EDA: variants seen among roughly 807,000 people sequenced by gnomAD.
The protein encoded by EDA is ectodysplasin-A.
EDA carries 2 observed loss-of-function variants against 23.6 expected under a neutral mutation model. The observed-to-expected ratio is 0.08, with a 90% CI of 0.03 to 0.27. EDA has a LOEUF of 0.27. Ranked by LOEUF, EDA falls within the 10% of genes least tolerant of loss-of-function variation. The probability of loss-of-function intolerance (pLI) is 1.00; values close to 1 mark genes in which losing one functional copy is unlikely to be tolerated. For missense variants in EDA, 229 were observed against 324.2 expected, an observed-to-expected ratio of 0.71 and a Z score of 2.26; for synonymous variants, 131 against 132.0, an observed-to-expected ratio of 0.99 and a Z score of 0.05.
chrX:69,648,932 T>A (rs1581879), intron 1 of EDA, among the ~76,000 whole-genome samples: 1 of 110,253 alleles, frequency 9.1e-6, no homozygotes, highest in African/African-American at 3.3e-5. Context: ...TGCATAGATC[T>A]GTGGGAGAAA....
At chrX:69,796,277 T>C (rs2015541670) in intron 1 of EDA, among the ~76,000 whole-genome samples, 1 of 95,836 alleles carries the variant, frequency 1.0e-5, no homozygotes, top group Non-Finnish European at 2.1e-5. Flanking sequence ...GACCCAAGAA[T>C]TGGCCTACTA....
intron 1 of EDA, among the ~76,000 whole-genome samples, chrX:69,859,072 G>A (rs1210040962): frequency 1.8e-5 from 2 of 111,479 alleles, no homozygotes; most frequent in Non-Finnish European, 3.8e-5. Context: ...GGGGTCAGTG[G>A]TAATATTCCC....
At chrX:69,865,270 G>T (rs1051731409) in intron 1 of EDA, among the ~76,000 whole-genome samples, 10 of 109,603 alleles carry the variant, frequency 9.1e-5, no homozygotes, top group African/African-American at 3.3e-4. Flanking sequence ...AACTAATAGG[G>T]TATATATATA....
At chrX:69,798,030 T>C (rs1417493904) in intron 1 of EDA, among the ~76,000 whole-genome samples, 2 of 111,644 alleles carry the variant, frequency 1.8e-5, no homozygotes, top group East Asian at 2.8e-4. Flanking sequence ...GCTATACTTA[T>C]AGCAAATAAA....
intron 1 of EDA, among the ~76,000 whole-genome samples, chrX:69,851,550 T>C (rs1022384609): frequency 5.3e-5 from 6 of 112,446 alleles, no homozygotes; most frequent in Admixed American, 4.7e-4. Flanking sequence ...AAAACCACTG[T>C]GCCTTGTGCA....
chrX:69,993,852 G>A (rs1433574081), intron 2 of EDA, among the ~76,000 whole-genome samples: 1 of 110,755 alleles, frequency 9.0e-6, no homozygotes, highest in Non-Finnish European at 1.9e-5. Context: ...TCAACTTGAG[G>A]TACAAATTTG....
chrX:69,956,536 G>A lies in EDA; in HGVS notation c.397-491G>A, dbSNP rs954651055. 2.7e-5 allele frequency among the ~76,000 whole-genome samples: 3 copies of A among 109,429 alleles called. No individual in the cohort carries two copies. In the Admixed American group the frequency reaches 3.0e-4, roughly 11 times the overall value. ...ATTTTGTATTTTTAGTAGAGATGGGGTTTCACCATGTTGGTCAGGCTGGTT... is the reference window on the plus strand; with the variant it reads ...ATTTTGTATTTTTAGTAGAGATGGGATTTCACCATGTTGGTCAGGCTGGTT... On this transcript the variant is annotated intron_variant, in intron 1 of 7. Transcript: ENST00000374552.
chrX:69,864,113 T>A (rs151172340), intron 1 of EDA, among the ~76,000 whole-genome samples: 1,491 of 111,552 alleles, frequency 0.013, 19 homozygotes, highest in African/African-American at 0.044. Flanking sequence ...AGAAGTATAA[T>A]TTACATACAG....
At chrX:69,796,892 A>G (rs543531064) in intron 1 of EDA, among the ~76,000 whole-genome samples, 1 of 110,817 alleles carries the variant, frequency 9.0e-6, no homozygotes, top group African/African-American at 3.3e-5. Context: ...AAAGAACCAA[A>G]CAAATTCTGG....
chrX:69,651,232 ATAGAAACAAT>A (rs745752182), intron 1 of EDA, among the ~76,000 whole-genome samples: 9 of 111,814 alleles, frequency 8.0e-5, no homozygotes, highest in Non-Finnish European at 1.1e-4. Context: ...TTAAGATTTT[ATAGAAACAAT>A]TAGTGCAGAT....
intron 1 of EDA, among the ~76,000 whole-genome samples, chrX:69,935,825 T>C (rs1217709318): frequency 9.1e-6 from 1 of 109,572 alleles, no homozygotes; most frequent in Non-Finnish European, 1.9e-5. Flanking sequence ...GTAAAATAGA[T>C]TGCAAAGATA....
At chrX:69,815,230 G>T (rs978820984) in intron 1 of EDA, among the ~76,000 whole-genome samples, 2 of 112,361 alleles carry the variant, frequency 1.8e-5, no homozygotes, top group Admixed American at 9.4e-5. Context: ...CGGCTTTGGA[G>T]AGTCCAGATG....
At chrX:69,940,144 A>G (rs934650140) in intron 1 of EDA, among the ~76,000 whole-genome samples, 1 of 111,520 alleles carries the variant, frequency 9.0e-6, no homozygotes, top group Non-Finnish European at 1.9e-5. Flanking sequence ...ATTTTTTGGA[A>G]TACTTTGAGT....
chrX:69,864,834 T>A (rs776221698), intron 1 of EDA, among the ~76,000 whole-genome samples: 5 of 110,045 alleles, frequency 4.5e-5, no homozygotes, highest in African/African-American at 1.7e-4. Flanking sequence ...CTACTAAAAT[T>A]ACAAAAATTA....
intron 1 of EDA, among the ~76,000 whole-genome samples, chrX:69,925,544 T>C (rs1369751228): frequency 4.5e-5 from 5 of 111,711 alleles, no homozygotes; most frequent in Admixed American, 9.5e-5. Context: ...GCTGCTGGAT[T>C]CAGTTTGCCA....
intron 1 of EDA, among the ~76,000 whole-genome samples, chrX:69,753,642 C>G (rs2013983613): frequency 9.0e-6 from 1 of 111,214 alleles, no homozygotes; most frequent in Non-Finnish European, 1.9e-5. Flanking sequence ...TGTTAACTTT[C>G]TGTCTCGATC....
intron 1 of EDA, among the ~76,000 whole-genome samples, chrX:69,651,989 C>A (rs1933121614): frequency 1.8e-5 from 2 of 110,545 alleles, no homozygotes; most frequent in Non-Finnish European, 3.8e-5. Context: ...GGGGCAAGAT[C>A]GTCAGGGCAG....
rs2020294660 is a variant in EDA at position 70,038,632 on chromosome X, T to G, written c.*3023T>G. ...CCTGGAGAAGTAGTATTTGCCTATT[T>G]CCCCCTTCATCCATCCTGAGCCAAA... On this transcript the variant is annotated 3_prime_UTR_variant, in exon 8 of 8. Coordinates refer to ENST00000374552, the MANE Select transcript of EDA (RefSeq NM_001399.5). 8.9e-6 allele frequency: 1 copy of G among 111,744 alleles called. No homozygotes were observed. The highest frequency in any genetic ancestry group is 4.7e-3 in the Middle Eastern group (1 of 213). The allele number at this position is 111,744 out of a possible 1,213,427, so 9.2% of individuals were successfully genotyped here.
chrX:69,843,921 C>T lies in EDA; in HGVS notation c.397-113106C>T, dbSNP rs372394339. Among the ~76,000 whole-genome samples the T allele has an allele frequency of 8.2e-4, 84 of 102,930 alleles. No individual in the cohort carries two copies. The South Asian group carries it at 0.036, about 44-fold the overall frequency. The allele number at this position is 102,930 out of a possible 115,157, so 89.4% of individuals were successfully genotyped here. A position where few individuals can be genotyped will look rare whatever the true frequency, so the allele number is the denominator to read the frequency against. ...CCTGTAGTTCCAGCTACTCGGGAGG[C>T]GGAGGCAGGAGAATGGCGTGCACCC... is the stretch of plus-strand genomic sequence containing the variant. On this transcript the variant is annotated intron_variant, in intron 1 of 7. Transcript: ENST00000374552.
Sources: gnomAD v4.1 joint callset for allele counts (sites outside exome capture counted in the v4.1 genomes callset) on GRCh38, gnomAD v4.1.1 for gene constraint, MANE v1.5 for transcripts, NCBI Gene and HGNC (gene_info 2026-07-23, HGNC 2026-07-21) for gene names.